SERHL2: variants seen among roughly 807,000 people sequenced by gnomAD.
The protein encoded by SERHL2 is serine hydrolase like 2.
In SERHL2, 29 loss-of-function variants were observed where a neutral mutation model predicts 25.5. The ratio of observed to expected loss-of-function variants is 1.14; its 90% CI spans 0.85 to 1.55. The LOEUF is 1.55. SERHL2 is among the 40% of genes most tolerant of loss of function. The probability of loss-of-function intolerance (pLI) is 0.00; values close to 1 mark genes in which losing one functional copy is unlikely to be tolerated. For missense variants in SERHL2, 240 were observed against 252.3 expected, an observed-to-expected ratio of 0.95 and a Z score of 0.33; for synonymous variants, 95 against 103.5, an observed-to-expected ratio of 0.92 and a Z score of 0.50.
intron 8 of SERHL2, among the ~76,000 whole-genome samples, chr22:42,560,617 G>C (rs1039571642): frequency 1.4e-4 from 22 of 152,044 alleles, no homozygotes; most frequent in South Asian, 2.1e-4. Context: ...CCCAGGGGCT[G>C]AGTGACTTGG....
rs568121812 is a variant in SERHL2, at chr22:42,559,734, GAAA to G, written c.534-445_534-443del. ...ACTCTGTCTCACAAAGAAAAAAAAA[GAAA>G]AAAAAATCACGAGACACATGCACGC... On this transcript the variant is annotated intron_variant, in intron 7 of 11. Coordinates refer to ENST00000327678, the MANE Select transcript of SERHL2 (RefSeq NM_014509.5). Among the ~76,000 whole-genome samples the G allele has an allele frequency of 8.4e-4, 127 of 150,422 alleles. 2 individuals are homozygous for G. The highest frequency in any genetic ancestry group is 2.9e-3 in the African/African-American group (121 of 41,126).
intron 8 of SERHL2, among the ~76,000 whole-genome samples, chr22:42,564,376 C>T (rs1402542084): frequency 6.6e-6 from 1 of 151,506 alleles, no homozygotes; most frequent in East Asian, 1.9e-4. Context: ...CTCTGACTGC[C>T]TGTCTATGAT....
chr22:42,567,715 TTTAATTTTATTATTATTA>T (rs1569281093), intron 9 of SERHL2, among the ~76,000 whole-genome samples: 2 of 132,914 alleles, frequency 1.5e-5, no homozygotes, highest in African/African-American at 2.5e-5. Flanking sequence ...TCGATTTTTC[TTTAATTTTATTATTATTA>T]TTATTATTAT....
At chr22:42,568,559 G>A (rs1923726152) in intron 9 of SERHL2, among the ~76,000 whole-genome samples, 1 of 152,004 alleles carries the variant, frequency 6.6e-6, no homozygotes, top group Non-Finnish European at 1.5e-5. Flanking sequence ...CTGGAAGGAA[G>A]ATGGTTCCCA....
At chr22:42,565,843 G>GT (rs984386720) in intron 8 of SERHL2, among the ~76,000 whole-genome samples, 1 of 151,700 alleles carries the variant, frequency 6.6e-6, no homozygotes, top group South Asian at 2.1e-4. Context: ...TATATGTATG[G>GT]TTTTTTAGTG....
intron 6 of SERHL2, chr22:42,556,815 T>C: frequency 2.5e-6 from 1 of 406,278 alleles, no homozygotes; most frequent in South Asian, 2.6e-5. Flanking sequence ...AAACTGGATG[T>C]GTGGCTCGGG....
intron 1 of SERHL2, among the ~76,000 whole-genome samples, chr22:42,554,304 C>G (rs1429013591): frequency 6.6e-6 from 1 of 152,140 alleles, no homozygotes; most frequent in African/African-American, 2.4e-5. Flanking sequence ...GTGCGCAAGT[C>G]TCCAGCCTTG....
chr22:42,560,292 T>C (rs980731830), intron 8 of SERHL2, 27 bp downstream of exon 8: 1 of 1,525,334 alleles, frequency 6.6e-7, no homozygotes, highest in African/African-American at 1.4e-5. Context: ...TCCAAGGCCA[T>C]TTTATATTTG....
chr22:42,560,066 C>A (rs1407156470), intron 7 of SERHL2, 120 bp from the exon 8 acceptor site: 1 of 728,854 alleles, frequency 1.4e-6, no homozygotes, highest in Non-Finnish European at 2.4e-6. Context: ...CCCATCTTGT[C>A]CTCCCAAAGT....
chr22:42,566,235 A>G, intron 8 of SERHL2, 69 bp from the exon 9 acceptor site: 12 of 1,514,620 alleles, frequency 7.9e-6, no homozygotes, highest in Non-Finnish European at 1.0e-5. Flanking sequence ...GGTTCCAGCA[A>G]AGTCACGGAG....
chr22:42,572,317 G>C (rs1011817302), intron 10 of SERHL2, 119 bp from the exon 11 acceptor site: 4 of 677,088 alleles, frequency 5.9e-6, no homozygotes, highest in Non-Finnish European at 7.7e-6. Flanking sequence ...AGCTGTGGGA[G>C]TTGGGGTAGC....
intron 9 of SERHL2, chr22:42,570,154 G>GCT (rs1360984965): frequency 6.6e-6 from 1 of 152,166 alleles, no homozygotes; most frequent in African/African-American, 2.4e-5. Flanking sequence ...GGGTGTGGTG[G>GCT]CTCACACCTG....
chr22:42,571,333 T>C, intron 10 of SERHL2, 130 bp downstream of exon 10: 1 of 1,505,346 alleles, frequency 6.6e-7, no homozygotes, highest in Non-Finnish European at 8.9e-7. Flanking sequence ...CTCAAGATCT[T>C]TTTTGGGAAG....
At chr22:42,569,839 TTGTGTGTG>T (rs58527778) in intron 9 of SERHL2, 6,037 of 146,792 alleles carry the variant, frequency 0.041, 370 homozygotes, top group African/African-American at 0.14. Flanking sequence ...TCATAGCAAT[TTGTGTGTG>T]TGTGTGTGTG....
At chr22:42,568,996 C>G (rs1458330726) in intron 9 of SERHL2, 2 of 151,730 alleles carry the variant, frequency 1.3e-5, no homozygotes, top group African/African-American at 4.8e-5. Flanking sequence ...ATTGTCCTGC[C>G]TCAACCTCCC....
intron 7 of SERHL2, among the ~76,000 whole-genome samples, chr22:42,559,688 C>G (rs1922425531): frequency 6.6e-6 from 1 of 151,354 alleles, no homozygotes; most frequent in Non-Finnish European, 1.5e-5. Context: ...CACTGTACTC[C>G]AGCCTGGGCA....
intron 8 of SERHL2, among the ~76,000 whole-genome samples, chr22:42,564,171 C>G (rs1402666181): frequency 6.6e-6 from 1 of 151,438 alleles, no homozygotes; most frequent in African/African-American, 2.4e-5. Context: ...TATTTTGGGT[C>G]TAGCACTAGC....
intron 8 of SERHL2, among the ~76,000 whole-genome samples, chr22:42,561,241 G>C (rs1343895609): frequency 1.3e-5 from 2 of 151,962 alleles, no homozygotes; most frequent in East Asian, 3.8e-4. Context: ...TGAGGGAACA[G>C]CTGGAGGGAG....
In SERHL2 at chr22:42,562,399, C is replaced by T. The variant is rs775842583; in HGVS notation, c.613+2134C>T. 7.2e-5 allele frequency among the ~76,000 whole-genome samples: 11 copies of T among 151,826 alleles called. 1 individual carries two copies. The highest frequency in any genetic ancestry group is 1.6e-4 in the Non-Finnish European group (11 of 67,936). ...AGTTCAGGGTCCAAGGTCAAGGCCT[C>T]GGCAGGGCTGGTTCCTTCTGAGGGC... On this transcript the variant is annotated intron_variant, in intron 8 of 11. Coordinates refer to ENST00000327678, the MANE Select transcript of SERHL2 (RefSeq NM_014509.5).
Sources: allele counts gnomAD v4.1 joint callset (sites outside exome capture counted in the v4.1 genomes callset), GRCh38; gene constraint gnomAD v4.1.1; transcripts MANE v1.5; gene names NCBI Gene and HGNC (gene_info 2026-07-23, HGNC 2026-07-21).